PELO: variants seen among roughly 807,000 people sequenced by gnomAD.
PELO encodes protein pelota homolog.
A neutral mutation model predicts 25.9 loss-of-function variants in PELO; 19 were observed. That is an observed-to-expected ratio of 0.73 (90% CI 0.51 to 1.08). PELO has a LOEUF of 1.08. PELO is among the 50% of genes least tolerant of loss of function. The pLI, the probability that PELO is intolerant of heterozygous loss-of-function variation, is 0.00. For synonymous variants in PELO, 196 were observed against 192.2 expected, an observed-to-expected ratio of 1.02 and a Z score of -0.16; for missense variants, 498 against 491.4, an observed-to-expected ratio of 1.01 and a Z score of -0.13.
At chr5:52,795,234 G>A (rs189097106) in intron 1 of PELO, among the ~76,000 whole-genome samples, 11 of 152,014 alleles carry the variant, frequency 7.2e-5, no homozygotes, top group Admixed American at 5.9e-4. Flanking sequence ...AAGGTAGTAA[G>A]TCTCTGCCTT....
At chr5:52,796,116 T>C (rs1015722512) in intron 1 of PELO, among the ~76,000 whole-genome samples, 6 of 152,000 alleles carry the variant, frequency 3.9e-5, no homozygotes, top group African/African-American at 1.4e-4. Flanking sequence ...AATTTAATTA[T>C]TGAATTCAAT....
intron 1 of PELO, among the ~76,000 whole-genome samples, chr5:52,791,093 TACA>T (rs777192847): frequency 1.2e-4 from 18 of 152,196 alleles, no homozygotes; most frequent in Admixed American, 9.8e-4. Context: ...ATTAGCTCCT[TACA>T]ACGTTTACTA....
At chr5:52,791,766 A>T (rs1467155370) in intron 1 of PELO, among the ~76,000 whole-genome samples, 1 of 152,066 alleles carries the variant, frequency 6.6e-6, no homozygotes, top group Non-Finnish European at 1.5e-5. Flanking sequence ...TTAGCCTTGA[A>T]AAAAAGAAAA....
chr5:52,788,250 A>T lies in PELO; in HGVS notation c.-675A>T. The T allele has an allele frequency of 1.1e-6, 1 of 882,094 alleles. No homozygotes were observed. The highest frequency in any genetic ancestry group is 4.0e-5 in the Admixed American group (1 of 24,902). 54.6% of individuals were successfully genotyped at this position (882,094 alleles called of 1,614,324 possible). A position where few individuals can be genotyped will look rare whatever the true frequency, so the allele number is the denominator to read the frequency against. ...GCTGCCACTGGGGCAGAGGACTGGGAACCGCGGCAGCGGGATAAGTGGCCC... is the reference window on the plus strand; with the variant it reads ...GCTGCCACTGGGGCAGAGGACTGGGTACCGCGGCAGCGGGATAAGTGGCCC... On this transcript the variant is annotated 5_prime_UTR_variant, in exon 1 of 3. Coordinates refer to ENST00000274311, the MANE Select transcript of PELO (RefSeq NM_015946.5).
intron 1 of PELO, among the ~76,000 whole-genome samples, chr5:52,798,631 A>C (rs1229239529): frequency 5.3e-5 from 8 of 152,166 alleles, no homozygotes; most frequent in African/African-American, 1.9e-4. Context: ...GGGGGAAAAT[A>C]GTCATTCATG....
rs1281077006 is a variant in PELO, at chr5:52,802,282, AATG to A, written c.*445_*447del. The A allele has an allele frequency of 6.5e-6, 1 of 153,388 alleles. No individual in the cohort carries two copies. Among genetic ancestry groups the A allele is most frequent in the African/African-American group, 2.4e-5 (1 of 41,460 alleles). 9.5% of individuals were successfully genotyped at this position (153,388 alleles called of 1,614,324 possible). On this transcript the variant is annotated 3_prime_UTR_variant, in exon 3 of 3. Coordinates refer to ENST00000274311, the MANE Select transcript of PELO (RefSeq NM_015946.5). ...TGCTTGGTGTTCTTGCATTGCATTT[AATG>A]ATCCCTTTTCTCCCCACCTCCACAC... is the stretch of plus-strand genomic sequence containing the variant.
rs1748489127 is a variant in PELO, at chr5:52,801,659, G to A, written c.977G>A (p.Arg326Gln). Residue 326 changes from arginine to glutamine, a missense_variant, in exon 3 of 3, where the codon CGG (arginine) becomes CAG (glutamine). Coordinates refer to ENST00000274311, the MANE Select transcript of PELO (RefSeq NM_015946.5). The part of the protein sequence containing the change: ...ELFRHQDVAT[R>Q]SRYVRLVDSV... ...TTCAGGCATCAGGATGTAGCCACACGGAGCCGGTATGTGAGGCTGGTGGAC... is the reference window on the plus strand; with the variant it reads ...TTCAGGCATCAGGATGTAGCCACACAGAGCCGGTATGTGAGGCTGGTGGAC... The A allele has an allele frequency of 3.1e-6, 5 of 1,614,046 alleles. No homozygotes were observed. The highest frequency in any genetic ancestry group is 1.3e-5 in the African/African-American group (1 of 74,922).
chr5:52,796,762 G>T (rs1267702315), intron 1 of PELO, among the ~76,000 whole-genome samples: 1 of 151,980 alleles, frequency 6.6e-6, no homozygotes, highest in African/African-American at 2.4e-5. Context: ...TCCTTCCAGA[G>T]TTCAACAAAA....
chr5:52,790,562 G>A (rs1368006642), intron 1 of PELO, among the ~76,000 whole-genome samples: 1 of 152,178 alleles, frequency 6.6e-6, no homozygotes, highest in Non-Finnish European at 1.5e-5. Context: ...CTTGGCCTGT[G>A]GCCCCTTTCT....
rs780997062 is a variant in PELO, at chr5:52,802,412, G to T, written c.*572G>T. The T allele has an allele frequency of 6.6e-6, 1 of 152,138 alleles. No individual in the cohort carries two copies. Among genetic ancestry groups the T allele is most frequent in the African/African-American group, 2.4e-5 (1 of 41,430 alleles). The allele number at this position is 152,138 out of a possible 1,614,324, so 9.4% of individuals were successfully genotyped here. On this transcript the variant is annotated 3_prime_UTR_variant, in exon 3 of 3. Transcript: ENST00000274311. ...TTTAAATATTTTTCTTCAAAGGCTT[G>T]TTAAACCAATCATGTTAAAAGGAAA...
chr5:52,788,822 C>T (rs1037068197), intron 1 of PELO, among the ~76,000 whole-genome samples: 4 of 152,044 alleles, frequency 2.6e-5, no homozygotes, highest in African/African-American at 9.7e-5. Context: ...AATTCCTACC[C>T]TCGGGTTGTT....
chr5:52,803,274 T>C lies in PELO; in HGVS notation c.*1434T>C, dbSNP rs1748524481. The C allele has an allele frequency of 6.6e-6, 1 of 152,190 alleles. No individual in the cohort carries two copies. Among genetic ancestry groups the C allele is most frequent in the African/African-American group, 2.4e-5 (1 of 41,434 alleles). 9.4% of individuals were successfully genotyped at this position (152,190 alleles called of 1,614,324 possible). ...ACTCACATATGTATATTTTTGTACA[T>C]CTATCTCCTAATTCAAAAGTAATTG... On this transcript the variant is annotated 3_prime_UTR_variant, in exon 3 of 3. Coordinates refer to ENST00000274311, the MANE Select transcript of PELO (RefSeq NM_015946.5).
chr5:52,788,985 G>A (rs1748185504), intron 1 of PELO, among the ~76,000 whole-genome samples: 1 of 152,176 alleles, frequency 6.6e-6, no homozygotes, highest in Non-Finnish European at 1.5e-5. Context: ...ATTTTGAAAC[G>A]TAGAAAGGAA....
Position 52,802,617 on chromosome 5 carries a change from A to C in PELO, c.*777A>C, listed in dbSNP as rs894174066. 1 of 152,184 alleles carries C rather than the reference A, an allele frequency of 6.6e-6. No individual in the cohort carries two copies. Among genetic ancestry groups the C allele is most frequent in the African/African-American group, 2.4e-5 (1 of 41,450 alleles). 9.4% of individuals were successfully genotyped at this position (152,184 alleles called of 1,614,324 possible). On this transcript the variant is annotated 3_prime_UTR_variant, in exon 3 of 3. Transcript: ENST00000274311. ...ATGTGATTTGCTTGTTATGTGGCTAATTAGTGGCAAAGCTGGAAGTCATTC... is the reference window on the plus strand; with the variant it reads ...ATGTGATTTGCTTGTTATGTGGCTACTTAGTGGCAAAGCTGGAAGTCATTC...
rs983086102 is a variant in PELO at position 52,802,757 on chromosome 5, T to C, written c.*917T>C. On this transcript the variant is annotated 3_prime_UTR_variant, in exon 3 of 3. Coordinates refer to ENST00000274311, the MANE Select transcript of PELO (RefSeq NM_015946.5). Reference sequence around the variant, plus strand: ...TATTTGTATGTGGCATTAATTTGGGTTTGCACATTTTTATTGGACTATTTT... The same window carrying C: ...TATTTGTATGTGGCATTAATTTGGGCTTGCACATTTTTATTGGACTATTTT... The C allele has an allele frequency of 3.3e-5, 5 of 152,254 alleles. No homozygotes were observed. The highest frequency in any genetic ancestry group is 1.2e-4 in the African/African-American group (5 of 41,534). The allele number at this position is 152,254 out of a possible 1,614,324, so 9.4% of individuals were successfully genotyped here. A position where few individuals can be genotyped will look rare whatever the true frequency, so the allele number is the denominator to read the frequency against.
At position 52,803,900 on chromosome 5, in the gene PELO, G is replaced by A. The variant is rs1748539549; in HGVS notation, c.*2060G>A. 1 of 152,072 alleles carries A rather than the reference G, an allele frequency of 6.6e-6. No individual in the cohort carries two copies. Among genetic ancestry groups the A allele is most frequent in the Non-Finnish European group, 1.5e-5 (1 of 68,004 alleles). 9.4% of individuals were successfully genotyped at this position (152,072 alleles called of 1,614,324 possible). A position where few individuals can be genotyped will look rare whatever the true frequency, so the allele number is the denominator to read the frequency against. On this transcript the variant is annotated 3_prime_UTR_variant, in exon 3 of 3. Transcript: ENST00000274311. ...CTGTGCTGGTAAATCTCTGGCAGGG[G>A]TCCCCAGTCAGGAAAAAGATTTGAG...
intron 2 of PELO, 73 bp downstream of exon 2, chr5:52,801,193 A>C: frequency 7.1e-7 from 1 of 1,404,644 alleles, no homozygotes; most frequent in Non-Finnish European, 9.7e-7. Context: ...AAAGTTTTAG[A>C]ACTGGGAAAA....
intron 2 of PELO, 92 bp downstream of exon 2, chr5:52,801,212 A>G (rs1561212066): frequency 7.5e-7 from 1 of 1,325,058 alleles, no homozygotes; most frequent in Non-Finnish European, 1.0e-6. Context: ...AAATAAGAAG[A>G]GAAAGTCTTT....
intron 1 of PELO, among the ~76,000 whole-genome samples, chr5:52,791,153 T>A (rs1748230232): frequency 6.6e-6 from 1 of 152,214 alleles, no homozygotes; most frequent in South Asian, 2.1e-4. Flanking sequence ...GATTGTTATT[T>A]TATGTATGTC....
Sources: gnomAD v4.1 joint callset for allele counts (sites outside exome capture counted in the v4.1 genomes callset) on GRCh38, gnomAD v4.1.1 for gene constraint, MANE v1.5 for transcripts, NCBI Gene and HGNC (gene_info 2026-07-23, HGNC 2026-07-21) for gene names.